The following SFI1 variants were observed in gnomAD, a reference collection of about 807,000 sequenced individuals.
SFI1 encodes the protein SFI1 centrin binding protein, also known as protein SFI1 homolog.
Under a neutral mutation model 207.5 loss-of-function variants are expected in SFI1, and 195 were observed. The ratio of observed to expected loss-of-function variants is 0.94; its 90% CI spans 0.84 to 1.06. SFI1 has a LOEUF of 1.06. SFI1 is among the 50% of genes least tolerant of loss of function. The pLI, the probability that SFI1 is intolerant of heterozygous loss-of-function variation, is 0.00. For missense variants in SFI1, 1,634 were observed against 1,588.0 expected, an observed-to-expected ratio of 1.03 and a Z score of -0.49; for synonymous variants, 630 against 598.9, an observed-to-expected ratio of 1.05 and a Z score of -0.76.
At chr22:31,503,584 G>GTTTTT (rs34588094) in intron 1 of SFI1, among the ~76,000 whole-genome samples, 2 of 94,470 alleles carry the variant, frequency 2.1e-5, no homozygotes, top group African/African-American at 9.0e-5. Flanking sequence ...TTCTTGGACT[G>GTTTTT]TTTTTTTTTT....
rs760174204 is a variant in SFI1 at position 31,603,822 on chromosome 22, A to G, written c.1881+3A>G. 2.3e-5 allele frequency: 36 copies of G among 1,572,722 alleles called. No homozygotes were observed. The highest frequency in any genetic ancestry group is 2.9e-5 in the Non-Finnish European group (34 of 1,167,556). On this transcript the variant is annotated splice_donor_region_variant and intron_variant, in intron 18 of 32. Coordinates refer to ENST00000400288, the MANE Select transcript of SFI1 (RefSeq NM_001007467.3). ...GGGCCTGGAGCCAGTGGAGGGAGGT[A>G]AGGCTTTGGTGCGAGGTGCCACCCG...
intron 18 of SFI1, among the ~76,000 whole-genome samples, chr22:31,604,076 A>G (rs1435913861): frequency 6.6e-6 from 1 of 152,206 alleles, no homozygotes; most frequent in Non-Finnish European, 1.5e-5. Context: ...CAGGAGTCCT[A>G]CGTCCTACTG....
intron 15 of SFI1, among the ~76,000 whole-genome samples, chr22:31,593,612 G>C (rs2066518515): frequency 9.2e-6 from 1 of 108,186 alleles, no homozygotes; most frequent in South Asian, 3.8e-4. Flanking sequence ...GGCAGAGGCT[G>C]CAATCTCGGC....
rs957436845 is a variant in SFI1, at chr22:31,614,804, A to C, written c.3012A>C (p.Ser1004=). 6.2e-7 allele frequency: 1 copy of C among 1,613,818 alleles called. No individual in the cohort carries two copies. The stretch of plus-strand genomic sequence containing the variant: ...TTCTTTCCAGCAACACTGCCCACTC[A>C]GCGAGGAAGCAGCCGCGACGCCCAC... ...PHALELNTAH[S]ARKQPRRPHF... The change falls in exon 28 of 33, where the codon TCA becomes TCC. Residue 1004 remains serine (S), a synonymous_variant. Coordinates refer to ENST00000400288, the MANE Select transcript of SFI1 (RefSeq NM_001007467.3).
chr22:31,501,431 A>G (rs1453048160), intron 1 of SFI1, among the ~76,000 whole-genome samples: 3 of 152,096 alleles, frequency 2.0e-5, no homozygotes, highest in African/African-American at 7.2e-5. Flanking sequence ...CGGCCTCCCA[A>G]AGTGCTGGGA....
intron 2 of SFI1, 91 bp downstream of exon 2, chr22:31,508,467 A>G (rs2054989684): frequency 1.1e-6 from 1 of 932,450 alleles, no homozygotes. Context: ...ATAAATTATG[A>G]GTGAGGTAGT....
At chr22:31,580,158 T>C (rs981639324) in intron 11 of SFI1, 114 bp from the exon 12 acceptor site, 1 of 722,158 alleles carries the variant, frequency 1.4e-6, no homozygotes, top group Admixed American at 2.5e-5. Flanking sequence ...TACAAGAAGC[T>C]GTGACCAAGC....
chr22:31,602,526 G>A, intron 16 of SFI1, 81 bp from the exon 17 acceptor site: 4 of 1,506,584 alleles, frequency 2.7e-6, no homozygotes, highest in South Asian at 1.2e-5. Flanking sequence ...GTCATTATTT[G>A]TGGCCTGTAA....
At chr22:31,554,288 TTTA>T (rs1268361396) in intron 6 of SFI1, among the ~76,000 whole-genome samples, 1 of 152,066 alleles carries the variant, frequency 6.6e-6, no homozygotes, top group Non-Finnish European at 1.5e-5. Context: ...GCTAAGTTAA[TTTA>T]TTATTTCTTT....
rs1245906121 is a variant in SFI1, at chr22:31,575,242, C to G, written c.934C>G (p.Arg312Gly). 2 of 1,608,618 alleles carry G rather than the reference C, an allele frequency of 1.2e-6. No individual in the cohort carries two copies. Among genetic ancestry groups the G allele is most frequent in the Non-Finnish European group, 1.7e-6 (2 of 1,177,564 alleles). The change falls in exon 10 of 33, where the codon CGA becomes GGA. Residue 312 changes from arginine (R) to glycine (G), a missense_variant. Transcript: ENST00000400288. ...VKRQQNEMAE[R>G]FHHVTVLQIY... ...TTTCTCTGTTGCAGAGATGGCTGAG[C>G]GATTCCATCATGTCACTGTGCTCCA...
At position 31,602,209 on chromosome 22, in the gene SFI1, T is replaced by G. The variant is rs1283603586; in HGVS notation, c.1545-3T>G. The stretch of plus-strand genomic sequence containing the variant: ...GTGCTTTACATTCTTCCTTGTTTTT[T>G]AGGGAGACATTAGAGAAGCAAGTAT... On this transcript the variant is annotated splice_region_variant and splice_polypyrimidine_tract_variant and intron_variant, in intron 15 of 32. Coordinates refer to ENST00000400288, the MANE Select transcript of SFI1 (RefSeq NM_001007467.3). 5 of 1,612,780 alleles carry G rather than the reference T, an allele frequency of 3.1e-6. No homozygotes were observed. The highest frequency in any genetic ancestry group is 4.2e-6 in the Non-Finnish European group (5 of 1,178,740).
intron 15 of SFI1, among the ~76,000 whole-genome samples, chr22:31,593,992 G>C (rs1428715077): frequency 0.023 from 1,651 of 71,608 alleles, 12 homozygotes; most frequent in Non-Finnish European, 0.033. Flanking sequence ...GGAGACGAGG[G>C]AGAGGGAGAG....
chr22:31,545,579 A>T (rs11912465), intron 4 of SFI1, among the ~76,000 whole-genome samples: 3,898 of 91,022 alleles, frequency 0.043, 71 homozygotes, highest in Non-Finnish European at 0.051. Flanking sequence ...AATTTAATTT[A>T]ATTTAATTTT....
At position 31,504,174 on chromosome 22, in the gene SFI1, A is replaced by G. The variant is rs1037265862; in HGVS notation, c.-30-4081A>G. Among the ~76,000 whole-genome samples, 8 of 152,160 alleles carry G rather than the reference A, an allele frequency of 5.3e-5. No homozygotes were observed. In the East Asian group the frequency reaches 9.6e-4, roughly 18 times the overall value. ...ATATAACAGAAGGGAGTCCTTGACC[A>G]TGAAGGACATTCCACAGGATCATTA... On this transcript the variant is annotated intron_variant, in intron 1 of 32. Coordinates refer to ENST00000400288, the MANE Select transcript of SFI1 (RefSeq NM_001007467.3).
rs771231796 is a variant in SFI1, at chr22:31,613,166, C to T, written c.2515C>T (p.Arg839Trp). The T allele has an allele frequency of 1.7e-5, 28 of 1,613,526 alleles. No individual in the cohort carries two copies. The highest frequency in any genetic ancestry group is 8.8e-5 in the South Asian group (8 of 91,084). The change falls in exon 25 of 33, where the codon CGG becomes TGG. Residue 839 changes from arginine (R) to tryptophan (W), a missense_variant. By Grantham distance (101) the Arg-to-Trp change is moderately radical. Coordinates refer to ENST00000400288, the MANE Select transcript of SFI1 (RefSeq NM_001007467.3). ...QQLAARRQEQ[R>W]ATVRALWFWA... ...GCTGGCAGCCAGGAGGCAGGAGCAGCGGGCGACAGTGCGGGCCCTGTGGTT... is the reference window on the plus strand; with the variant it reads ...GCTGGCAGCCAGGAGGCAGGAGCAGTGGGCGACAGTGCGGGCCCTGTGGTT...
At chr22:31,540,954 T>C (rs1422637644) in intron 4 of SFI1, among the ~76,000 whole-genome samples, 2 of 152,156 alleles carry the variant, frequency 1.3e-5, no homozygotes, top group African/African-American at 2.4e-5. Context: ...AGACTTTTGG[T>C]CTAGGACCAT....
rs201188385 is a variant in SFI1, at chr22:31,501,895, CAT to C, written c.-31+5259_-31+5260del. 5.3e-3 allele frequency among the ~76,000 whole-genome samples: 801 copies of C among 152,220 alleles called. 11 individuals are homozygous for C. The highest frequency in any genetic ancestry group is 0.019 in the African/African-American group (773 of 41,546). On this transcript the variant is annotated intron_variant, in intron 1 of 32. Coordinates refer to ENST00000400288, the MANE Select transcript of SFI1 (RefSeq NM_001007467.3). The stretch of plus-strand genomic sequence containing the variant: ...TTTGCCGGATGCTCTGATTTCCTCC[CAT>C]GTCCCCACGATAAGCACATTAGCTT...
chr22:31,542,907 C>G (rs559377303), intron 4 of SFI1, among the ~76,000 whole-genome samples: 2 of 151,640 alleles, frequency 1.3e-5, no homozygotes, highest in East Asian at 3.9e-4. Flanking sequence ...AGGGATCTGC[C>G]CACCTTGGCC....
intron 22 of SFI1, among the ~76,000 whole-genome samples, chr22:31,608,822 G>C (rs925607418): frequency 4.6e-5 from 7 of 152,102 alleles, no homozygotes; most frequent in Non-Finnish European, 8.8e-5. Flanking sequence ...ATCTCAGGAA[G>C]TCCTGCTGCC....
Sources: gnomAD v4.1 joint callset for allele counts (sites outside exome capture counted in the v4.1 genomes callset) on GRCh38, gnomAD v4.1.1 for gene constraint, MANE v1.5 for transcripts, NCBI Gene and HGNC (gene_info 2026-07-23, HGNC 2026-07-21) for gene names.